NRXN3: variants seen among roughly 807,000 people sequenced by gnomAD.
The protein encoded by NRXN3 is neurexin III.
A neutral mutation model predicts 137.6 loss-of-function variants in NRXN3; 32 were observed. That is an observed-to-expected ratio of 0.23 (90% CI 0.18 to 0.31). The LOEUF (loss-of-function observed/expected upper bound fraction) is 0.31, where lower values mean the gene tolerates loss of function less well. Ranked by LOEUF, NRXN3 falls within the 10% of genes least tolerant of loss-of-function variation. The probability of loss-of-function intolerance (pLI) is 1.00; values close to 1 mark genes in which losing one functional copy is unlikely to be tolerated. For missense variants in NRXN3, 1,574 were observed against 2,062.5 expected (o/e 0.76, Z 4.59); for synonymous variants, 798 against 784.5 (o/e 1.02, Z -0.29).
At position 79,551,809 on chromosome 14, in the gene NRXN3, T is replaced by A. The variant is rs146188346; in HGVS notation, c.3444+84407T>A. On this transcript the variant is annotated intron_variant, in intron 16 of 20. Transcript: ENST00000335750. ...TACATCCCTGGGGAAGTTTCTAGTG[T>A]TTCTGGGCATGGCTGAGCGCACAGC... is the stretch of plus-strand genomic sequence containing the variant. Among the ~76,000 whole-genome samples, 376 of 152,276 alleles carry A rather than the reference T, an allele frequency of 2.5e-3. 1 individual carries two copies. Among genetic ancestry groups the A allele is most frequent in the African/African-American group, 8.6e-3 (356 of 41,560 alleles).
intron 14 of NRXN3, among the ~76,000 whole-genome samples, chr14:78,980,177 G>A (rs146291631): frequency 6.6e-6 from 1 of 152,192 alleles, no homozygotes; most frequent in Admixed American, 6.5e-5. Flanking sequence ...TGATAGATCA[G>A]CCTCACCTGG....
intron 15 of NRXN3, among the ~76,000 whole-genome samples, chr14:79,393,835 A>G (rs2094934259): frequency 6.6e-6 from 1 of 152,166 alleles, no homozygotes; most frequent in Non-Finnish European, 1.5e-5. Context: ...AACAAAAACA[A>G]AAGTTATAGT....
intron 16 of NRXN3, among the ~76,000 whole-genome samples, chr14:79,617,849 C>G (rs2098174366): frequency 6.8e-6 from 1 of 146,732 alleles, no homozygotes; most frequent in African/African-American, 2.6e-5. Context: ...ATTATAAAAA[C>G]ACTGACTCCG....
At chr14:78,193,216 T>C (rs2060906916) in intron 1 of NRXN3, among the ~76,000 whole-genome samples, 1 of 152,222 alleles carries the variant, frequency 6.6e-6, no homozygotes, top group South Asian at 2.1e-4. Context: ...AGATTAGTGC[T>C]AAATTAAACT....
At chr14:79,399,317 A>G (rs1188013389) in intron 15 of NRXN3, among the ~76,000 whole-genome samples, 3 of 152,160 alleles carry the variant, frequency 2.0e-5, no homozygotes, top group South Asian at 2.1e-4. Context: ...TGGTTTCTCT[A>G]TACTTCCCCC....
chr14:79,858,931 G>A (rs1239236408), intron 20 of NRXN3, among the ~76,000 whole-genome samples: 2 of 146,976 alleles, frequency 1.4e-5, no homozygotes, highest in African/African-American at 5.0e-5. Context: ...TGTAAATTAT[G>A]CATTAAATAA....
chr14:79,013,361 G>A lies in NRXN3; in HGVS notation c.3262+25220G>A, dbSNP rs2938027. On this transcript the variant is annotated intron_variant, in intron 15 of 20. Transcript: ENST00000335750. Reference sequence around the variant, plus strand: ...TGTTGGAGTGGCAAGATTTAAAGCAGGCCAATTTTATGCCTCATTCTATGT... The same window carrying A: ...TGTTGGAGTGGCAAGATTTAAAGCAAGCCAATTTTATGCCTCATTCTATGT... 9.8e-3 allele frequency among the ~76,000 whole-genome samples: 1,492 copies of A among 152,234 alleles called. 24 individuals carry two copies. The highest frequency in any genetic ancestry group is 0.034 in the African/African-American group (1,432 of 41,540).
At chr14:78,300,796 T>A in intron 4 of NRXN3, 1 of 737,644 alleles carries the variant, frequency 1.4e-6, no homozygotes, top group Non-Finnish European at 2.2e-6. Flanking sequence ...GATTATAAAT[T>A]AATGCTTTTA....
intron 10 of NRXN3, among the ~76,000 whole-genome samples, chr14:78,847,821 G>A (rs2099031705): frequency 6.6e-6 from 1 of 152,084 alleles, no homozygotes; most frequent in Non-Finnish European, 1.5e-5. Flanking sequence ...TGTCAGCTCT[G>A]TCAGATTTCT....
intron 15 of NRXN3, among the ~76,000 whole-genome samples, chr14:79,209,176 G>A (rs2067263931): frequency 6.6e-6 from 1 of 152,154 alleles, no homozygotes; most frequent in South Asian, 2.1e-4. Flanking sequence ...CTGACCTCGT[G>A]ATCTACCTGA....
chr14:78,884,920 A>T (rs948316614), intron 10 of NRXN3, among the ~76,000 whole-genome samples: 16 of 151,784 alleles, frequency 1.1e-4, no homozygotes, highest in Admixed American at 5.3e-4. Flanking sequence ...TAACAAAGTG[A>T]TAGTGTATTA....
At chr14:79,385,069 T>G (rs1289510392) in intron 15 of NRXN3, among the ~76,000 whole-genome samples, 2 of 152,142 alleles carry the variant, frequency 1.3e-5, no homozygotes, top group Admixed American at 6.5e-5. Context: ...GTGTCTTTTT[T>G]TTTATTATAC....
chr14:79,686,318 G>C (rs2098694631), intron 17 of NRXN3, among the ~76,000 whole-genome samples: 1 of 152,074 alleles, frequency 6.6e-6, no homozygotes, highest in African/African-American at 2.4e-5. Flanking sequence ...GCAGAGGCTA[G>C]AGCTCAATGC....
At chr14:78,294,087 C>T (rs567082892) in intron 3 of NRXN3, among the ~76,000 whole-genome samples, 2 of 152,312 alleles carry the variant, frequency 1.3e-5, no homozygotes, top group African/African-American at 4.8e-5. Flanking sequence ...ATAGTCCCTA[C>T]TGGTCTTATT....
intron 4 of NRXN3, among the ~76,000 whole-genome samples, chr14:78,357,866 A>T (rs1315883301): frequency 2.0e-5 from 3 of 152,208 alleles, no homozygotes; most frequent in Non-Finnish European, 4.4e-5. Context: ...TAACAACAGC[A>T]ATAATAATAG....
chr14:78,728,773 G>A (rs2098499933), intron 8 of NRXN3, among the ~76,000 whole-genome samples: 1 of 152,136 alleles, frequency 6.6e-6, no homozygotes, highest in Non-Finnish European at 1.5e-5. Flanking sequence ...GGTGGCAGGT[G>A]CCTGTAATCC....
At chr14:78,660,733 A>G (rs1237100769) in intron 6 of NRXN3, among the ~76,000 whole-genome samples, 1 of 152,092 alleles carries the variant, frequency 6.6e-6, no homozygotes, top group East Asian at 1.9e-4. Flanking sequence ...CTACCCCTTA[A>G]TTTCCACTTA....
chr14:79,342,015 A>G (rs532821676), intron 15 of NRXN3, among the ~76,000 whole-genome samples: 121 of 152,336 alleles, frequency 7.9e-4, no homozygotes, highest in African/African-American at 2.8e-3. Context: ...TAGAATCAAA[A>G]GAATTTTGTC....
chr14:79,693,004 T>C (rs1245244620), intron 18 of NRXN3, among the ~76,000 whole-genome samples: 1 of 151,910 alleles, frequency 6.6e-6, no homozygotes, highest in African/African-American at 2.4e-5. Context: ...AAAGAAAAGG[T>C]TCATGAAAGG....
Sources: gnomAD v4.1 joint callset for allele counts (sites outside exome capture counted in the v4.1 genomes callset) on GRCh38, gnomAD v4.1.1 for gene constraint, MANE v1.5 for transcripts, NCBI Gene and HGNC (gene_info 2026-07-23, HGNC 2026-07-21) for gene names.